RNF213: variants seen among roughly 807,000 people sequenced by gnomAD.
RNF213 encodes the protein ring finger protein 213.
RNF213 carries 341 observed loss-of-function variants against 514.4 expected under a neutral mutation model. That is an observed-to-expected ratio of 0.66 (90% CI 0.61 to 0.73). The LOEUF is 0.73. Among genes scored for constraint, RNF213 ranks in the 30% least tolerant of loss-of-function variants. The pLI, the probability that RNF213 is intolerant of heterozygous loss-of-function variation, is 0.00. For missense variants in RNF213, 5,767 were observed against 6,615.6 expected (o/e 0.87, Z 4.45); for synonymous variants, 2,655 against 2,658.2 (o/e 1.00, Z 0.04).
chr17:80,315,403 T>A (rs367766924), intron 15 of RNF213, among the ~76,000 whole-genome samples: 2 of 580 alleles, frequency 3.4e-3, no homozygotes, highest in Non-Finnish European at 7.0e-3. Context: ...GTGGTGGTGG[T>A]GGTACTGGAG....
chr17:80,296,032 T>G (rs1175797306), intron 10 of RNF213, among the ~76,000 whole-genome samples: 2 of 151,992 alleles, frequency 1.3e-5, no homozygotes, highest in Non-Finnish European at 2.9e-5. Context: ...CCTTTTGTTT[T>G]CCCCCCAGAC....
At chr17:80,387,855 TTGAC>T (rs2080300441) in intron 63 of RNF213, among the ~76,000 whole-genome samples, 2 of 152,210 alleles carry the variant, frequency 1.3e-5, no homozygotes, top group Non-Finnish European at 2.9e-5. Context: ...TCTCTGTTCT[TTGAC>T]TGGACGCACT....
Position 80,371,887 on chromosome 17 carries a change from A to C in RNF213, c.12439A>C (p.Lys4147Gln), listed in dbSNP as rs768422002. 6 of 1,504,600 alleles carry C rather than the reference A, an allele frequency of 4.0e-6. No individual in the cohort carries two copies. In the African/African-American group the frequency reaches 8.3e-5, roughly 21 times the overall value. 93.2% of individuals were successfully genotyped at this position (1,504,600 alleles called of 1,614,324 possible). A position where few individuals can be genotyped will look rare whatever the true frequency, so the allele number is the denominator to read the frequency against. ...LLLKYSFHDV[K>Q]DYIQEYLTLL... ...CTCTTTCTGCAGCTTTCATGATGTA[A>C]AAGATTATATTCAGGAATATTTGAC... The change falls in exon 47 of 68, where the codon AAA becomes CAA. Residue 4147 changes from lysine to glutamine, a missense_variant. This residue lies in a region of RNF213 where 1,245 missense variants were observed against 1,339.0 expected (regional missense o/e 0.93). Transcript: ENST00000582970.
intron 3 of RNF213, among the ~76,000 whole-genome samples, chr17:80,285,592 A>G (rs1208344795): frequency 6.6e-6 from 1 of 151,888 alleles, no homozygotes; most frequent in Non-Finnish European, 1.5e-5. Context: ...TGTCATTCAG[A>G]GGCTGATACC....
At chr17:80,385,893 C>T (rs1331570960) in intron 61 of RNF213, among the ~76,000 whole-genome samples, 1 of 152,138 alleles carries the variant, frequency 6.6e-6, no homozygotes, top group Non-Finnish European at 1.5e-5. Context: ...CTCAAACTCC[C>T]AAGCTCAGGC....
At chr17:80,380,559 G>A (rs952975068) in intron 55 of RNF213, among the ~76,000 whole-genome samples, 2 of 152,174 alleles carry the variant, frequency 1.3e-5, no homozygotes, top group Non-Finnish European at 2.9e-5. Context: ...GACGGGTCCA[G>A]GCCTGCGTCT....
chr17:80,319,101 A>G lies in RNF213; in HGVS notation c.2902-89A>G, dbSNP rs569839121. ...GGGGGAAACAGTAAAACAGCAGGAA[A>G]GTAAAAATGATGAAAGAATTTTCAT... On this transcript the variant is annotated intron_variant, in intron 16 of 67. Coordinates refer to ENST00000582970, the MANE Select transcript of RNF213 (RefSeq NM_001256071.3). The G allele has an allele frequency of 1.3e-5, 21 of 1,611,538 alleles. No homozygotes were observed. The Middle Eastern group carries it at 1.6e-3, about 123-fold the overall frequency.
chr17:80,290,668 G>A lies in RNF213; in HGVS notation c.1211G>A (p.Gly404Glu). 2.5e-6 allele frequency: 4 copies of A among 1,613,694 alleles called. No homozygotes were observed. The highest frequency in any genetic ancestry group is 3.4e-6 in the Non-Finnish European group (4 of 1,179,638). The change falls in exon 7 of 68, where the codon GGA becomes GAA. Residue 404 changes from glycine to glutamate, a missense_variant. Gly to Glu is a moderately conservative substitution (Grantham distance 98). Transcript: ENST00000582970. ...NPDLHKVFIR[G>E]GEEFGESKWD... ...GACCTCCATAAAGTCTTCATCAGAG[G>A]AGGAGAAGAATTTGGGGAGTCAAAA...
chr17:80,275,937 C>T (rs2044036269), intron 3 of RNF213, among the ~76,000 whole-genome samples: 1 of 151,128 alleles, frequency 6.6e-6, no homozygotes, highest in South Asian at 2.1e-4. Flanking sequence ...GTTGGGATTA[C>T]AGGCGTGAGC....
chr17:80,356,190 C>A (rs113428316), intron 36 of RNF213, among the ~76,000 whole-genome samples: 1 of 152,108 alleles, frequency 6.6e-6, no homozygotes, highest in Non-Finnish European at 1.5e-5. Flanking sequence ...TTAGTAGAGG[C>A]GAGATTTCAC....
At chr17:80,341,795 T>A (rs1292624345) in intron 26 of RNF213, 3 of 152,204 alleles carry the variant, frequency 2.0e-5, no homozygotes. Flanking sequence ...TTTTTTACTG[T>A]ACCTTTTCTA....
intron 26 of RNF213, 197 bp downstream of exon 26, chr17:80,340,553 C>G: frequency 1.7e-6 from 1 of 587,608 alleles, no homozygotes; most frequent in South Asian, 2.0e-5. Context: ...TGGGTATTCC[C>G]TGGGAGCCCC....
At chr17:80,261,676 T>C (rs2145053926) in intron 1 of RNF213, among the ~76,000 whole-genome samples, 1 of 152,352 alleles carries the variant, frequency 6.6e-6, no homozygotes, top group South Asian at 2.1e-4. Context: ...GTTGGGTGCC[T>C]GGGGCTCTCT....
chr17:80,384,450 C>CT (rs1354504837), intron 59 of RNF213, among the ~76,000 whole-genome samples: 1 of 152,200 alleles, frequency 6.6e-6, no homozygotes, highest in Non-Finnish European at 1.5e-5. Context: ...CCCATTTGCA[C>CT]TTTCATTTTC....
rs556872937 is a variant in RNF213, at chr17:80,293,695, C to T, written c.1472-1025C>T. ...AAAAATTGGCCGGGCGTCTTGGCAGCGGGCGCCTGTAGTCCCAGCTACTCG... is the reference window on the plus strand; with the variant it reads ...AAAAATTGGCCGGGCGTCTTGGCAGTGGGCGCCTGTAGTCCCAGCTACTCG... On this transcript the variant is annotated intron_variant, in intron 8 of 67. Coordinates refer to ENST00000582970, the MANE Select transcript of RNF213 (RefSeq NM_001256071.3). 1.8e-4 allele frequency among the ~76,000 whole-genome samples: 28 copies of T among 152,112 alleles called. No individual in the cohort carries two copies. The South Asian group carries it at 4.4e-3, about 24-fold the overall frequency.
At position 80,367,798 on chromosome 17, in the gene RNF213, G is replaced by C; in HGVS notation, c.11922G>C (p.Val3974=). Residue 3974 remains valine, a synonymous_variant, in exon 43 of 68, where the codon GTG becomes GTC. Coordinates refer to ENST00000582970, the MANE Select transcript of RNF213 (RefSeq NM_001256071.3). ...AGACGCACGGGCCTTTTGAGGCCGTGATGCGCACTCTCTGTGAATGCAAGG... is the reference window on the plus strand; with the variant it reads ...AGACGCACGGGCCTTTTGAGGCCGTCATGCGCACTCTCTGTGAATGCAAGG... ...DVKTHGPFEA[V]MRTLCECKET... The C allele has an allele frequency of 6.2e-7, 1 of 1,614,244 alleles. No individual in the cohort carries two copies. Among genetic ancestry groups the C allele is most frequent in the South Asian group, 1.1e-5 (1 of 91,088 alleles).
chr17:80,273,374 C>G lies in RNF213; in HGVS notation c.231C>G (p.Pro77=), dbSNP rs1166545432. 2.5e-6 allele frequency: 4 copies of G among 1,613,168 alleles called. No individual in the cohort carries two copies. The Admixed American group carries it at 5.0e-5, about 20-fold the overall frequency. ...GTTGGCAAGAAAACCCCGAGGAGCC[C>G]TGTTCCAAAGCCTCCTGGACCGTCC... ...SDSWQENPEE[P]CSKASWTVQE... The change falls in exon 3 of 68, where the codon CCC becomes CCG. Residue 77 remains proline, a synonymous_variant. Transcript: ENST00000582970.
intron 11 of RNF213, among the ~76,000 whole-genome samples, chr17:80,304,197 T>A (rs1272321672): frequency 6.6e-6 from 1 of 152,146 alleles, no homozygotes; most frequent in Non-Finnish European, 1.5e-5. Context: ...ATGTTTTTCA[T>A]AACTTCTGTT....
chr17:80,308,639 G>A (rs971889857), intron 13 of RNF213, among the ~76,000 whole-genome samples: 1 of 152,108 alleles, frequency 6.6e-6, no homozygotes, highest in East Asian at 1.9e-4. Context: ...CGGGCTGCAC[G>A]CTCTTCTACT....
Sources: gnomAD v4.1 joint callset for allele counts (sites outside exome capture counted in the v4.1 genomes callset) on GRCh38, gnomAD v4.1.1 for gene constraint, gnomAD v4.1.1 regional missense constraint, MANE v1.5 for transcripts, NCBI Gene and HGNC (gene_info 2026-07-23, HGNC 2026-07-21) for gene names.